GSK3A: variants seen among roughly 807,000 people sequenced by gnomAD.
The protein encoded by GSK3A is glycogen synthase kinase 3 alpha, also known as glycogen synthase kinase-3 alpha.
In GSK3A, 14 loss-of-function variants were observed where a neutral mutation model predicts 56.6. The observed-to-expected ratio is 0.25, with a 90% CI of 0.16 to 0.39. The LOEUF is 0.39. GSK3A is among the 10% of genes least tolerant of loss of function. The pLI is 1.00. For missense variants in GSK3A, 450 were observed against 656.0 expected (o/e 0.69, Z 3.43); for synonymous variants, 301 against 285.0 (o/e 1.06, Z -0.56).
chr19:42,230,976 A>G (rs2036220240), intron 10 of GSK3A, 109 bp from the exon 11 acceptor site: 2 of 778,808 alleles, frequency 2.6e-6, no homozygotes, highest in African/African-American at 3.4e-5. Flanking sequence ...TAAAAGTTAC[A>G]AGCTGTTACT....
intron 4 of GSK3A, among the ~76,000 whole-genome samples, 168 bp downstream of exon 4, chr19:42,236,438 T>C (rs1006438159): frequency 6.6e-6 from 1 of 151,468 alleles, no homozygotes; most frequent in Non-Finnish European, 1.5e-5. Context: ...GGCCCTCCCC[T>C]GTGTTAGGCG....
chr19:42,238,606 CAAAA>C (rs769150560), intron 2 of GSK3A, among the ~76,000 whole-genome samples: 3 of 33,152 alleles, frequency 9.0e-5, no homozygotes, highest in African/African-American at 5.0e-4. Flanking sequence ...GACTCCGTCT[CAAAA>C]AAAAAAAAAA....
At chr19:42,237,315 C>T (rs552971844) in intron 2 of GSK3A, among the ~76,000 whole-genome samples, 17 of 151,904 alleles carry the variant, frequency 1.1e-4, no homozygotes, top group African/African-American at 3.4e-4. Flanking sequence ...TGCACCACCA[C>T]GCCCAGCTAA....
At position 42,242,406 on chromosome 19, in the gene GSK3A, G is replaced by A. The variant is rs1346882924; in HGVS notation, c.60C>T (p.Ser20=). 2 of 1,375,526 alleles carry A rather than the reference G, an allele frequency of 1.5e-6. No homozygotes were observed. Among genetic ancestry groups the A allele is most frequent in the Non-Finnish European group, 1.9e-6 (2 of 1,064,838 alleles). The allele number at this position is 1,375,526 out of a possible 1,614,324, so 85.2% of individuals were successfully genotyped here. A position where few individuals can be genotyped will look rare whatever the true frequency, so the allele number is the denominator to read the frequency against. The change falls in exon 1 of 11, where the codon AGC becomes AGT. Residue 20 remains serine, a synonymous_variant. Transcript: ENST00000222330. ...CTCCGCCGCCGGGCTCCGCGAACGAGCTAGTCCGCGCCCTGCCCGAGCCCC... is the reference window on the plus strand; with the variant it reads ...CTCCGCCGCCGGGCTCCGCGAACGAACTAGTCCGCGCCCTGCCCGAGCCCC... The part of the protein sequence containing the change: ...GPGGSGRART[S]SFAEPGGGGG...
chr19:42,231,967 T>C, intron 10 of GSK3A, 90 bp downstream of exon 10: 1 of 676,672 alleles, frequency 1.5e-6, no homozygotes, highest in Non-Finnish European at 2.6e-6. Context: ...GATTTAAAAA[T>C]ACATTCAGGA....
chr19:42,232,398 C>A (rs1029414078), intron 9 of GSK3A, 98 bp downstream of exon 9: 104 of 1,139,710 alleles, frequency 9.1e-5, no homozygotes, highest in Non-Finnish European at 1.2e-4. Flanking sequence ...TGTACCCTGC[C>A]CTTAGCTCCC....
At position 42,242,499 on chromosome 19, in the gene GSK3A, G is replaced by A. The variant is rs1443892803; in HGVS notation, c.-34C>T. ...GCACAGGCCCAGGCTGCGGGGCTCG[G>A]GCTGCCCGGGCTGCCCCAGCCGCCG... On this transcript the variant is annotated 5_prime_UTR_variant, in exon 1 of 11. Coordinates refer to ENST00000222330, the MANE Select transcript of GSK3A (RefSeq NM_019884.3). The A allele has an allele frequency of 2.3e-5, 25 of 1,078,234 alleles. No homozygotes were observed. Among genetic ancestry groups the A allele is most frequent in the Admixed American group, 5.3e-5 (1 of 18,818 alleles). The allele number at this position is 1,078,234 out of a possible 1,614,324, so 66.8% of individuals were successfully genotyped here.
At chr19:42,231,797 GC>G (rs1191158258) in intron 10 of GSK3A, among the ~76,000 whole-genome samples, 3 of 152,010 alleles carry the variant, frequency 2.0e-5, no homozygotes, top group African/African-American at 7.2e-5. Context: ...ACAAACTTGG[GC>G]AACGAATTCA....
intron 10 of GSK3A, among the ~76,000 whole-genome samples, chr19:42,231,475 C>T (rs184575992): frequency 6.6e-6 from 1 of 152,238 alleles, no homozygotes; most frequent in East Asian, 1.9e-4. Flanking sequence ...CATAAAATAG[C>T]CCCATTTTTA....
Position 42,230,898 on chromosome 19 carries a change from G to A in GSK3A, c.1379-31C>T, listed in dbSNP as rs2036219664. ...GGGAGGCAGGGAAGGAGCAGAGTTA[G>A]CCTTTGCCTTTCAGACACCCCTTCG... On this transcript the variant is annotated intron_variant, in intron 10 of 10. Coordinates refer to ENST00000222330, the MANE Select transcript of GSK3A (RefSeq NM_019884.3). 2.0e-6 allele frequency: 3 copies of A among 1,482,834 alleles called. No homozygotes were observed. In the South Asian group the frequency reaches 3.6e-5, roughly 18 times the overall value. 91.9% of individuals were successfully genotyped at this position (1,482,834 alleles called of 1,614,324 possible).
chr19:42,240,965 C>T (rs1008877287), intron 1 of GSK3A: 1 of 152,138 alleles, frequency 6.6e-6, no homozygotes, highest in Non-Finnish European at 1.5e-5. Context: ...AGGATAGTGA[C>T]CCCTTTGAGT....
Position 42,240,250 on chromosome 19 carries a change from C to A in GSK3A, c.284-108G>T, listed in dbSNP as rs138057937. 5.6e-4 allele frequency: 539 copies of A among 965,778 alleles called. 4 individuals are homozygous for A. In the African/African-American group the frequency reaches 7.7e-3, roughly 14 times the overall value. The allele number at this position is 965,778 out of a possible 1,614,324, so 59.8% of individuals were successfully genotyped here. A position where few individuals can be genotyped will look rare whatever the true frequency, so the allele number is the denominator to read the frequency against. On this transcript the variant is annotated intron_variant, in intron 1 of 10. Coordinates refer to ENST00000222330, the MANE Select transcript of GSK3A (RefSeq NM_019884.3). The stretch of plus-strand genomic sequence containing the variant: ...ATCTCTGCAGGAAGCTCGTTGGGGA[C>A]CTCTTTGTCCCCTCCTCCTCTTTGA...
chr19:42,232,370 T>C (rs145710210), intron 9 of GSK3A, 126 bp downstream of exon 9: 9,572 of 861,480 alleles, frequency 0.011, 61 homozygotes, highest in Non-Finnish European at 0.014. Flanking sequence ...TCATCTTTCC[T>C]GAGCCCCAGG....
intron 2 of GSK3A, 36 bp from the exon 3 acceptor site, chr19:42,236,977 A>C (rs757164799): frequency 5.7e-6 from 8 of 1,412,342 alleles, no homozygotes; most frequent in Non-Finnish European, 7.0e-6. Context: ...AATACAACCA[A>C]CTCTCTCGGC....
Position 42,235,231 on chromosome 19 carries a change from C to T in GSK3A, c.667-553G>A, listed in dbSNP as rs148431039. On this transcript the variant is annotated intron_variant, in intron 4 of 10. Coordinates refer to ENST00000222330, the MANE Select transcript of GSK3A (RefSeq NM_019884.3). ...GCTCTCCAGCACTGATGCTGGTCCC[C>T]GGACCACACTCTGAGAACCACTGCT... Among the ~76,000 whole-genome samples the T allele has an allele frequency of 4.1e-3, 624 of 152,292 alleles. 2 individuals carry two copies. Among genetic ancestry groups the T allele is most frequent in the African/African-American group, 0.014 (598 of 41,548 alleles).
chr19:42,232,934 G>T (rs2036233638), intron 8 of GSK3A, 176 bp downstream of exon 8: 4 of 596,320 alleles, frequency 6.7e-6, no homozygotes, highest in Non-Finnish European at 5.8e-6. Context: ...ATTTACTTGT[G>T]GGTTCTCAAC....
chr19:42,238,606 C>T (rs1282120834), intron 2 of GSK3A, among the ~76,000 whole-genome samples: 1 of 33,152 alleles, frequency 3.0e-5, no homozygotes, highest in Non-Finnish European at 5.7e-5. Flanking sequence ...GACTCCGTCT[C>T]AAAAAAAAAA....
chr19:42,234,327 C>A lies in GSK3A; in HGVS notation c.904+26G>T. On this transcript the variant is annotated intron_variant, in intron 6 of 10. Coordinates refer to ENST00000222330, the MANE Select transcript of GSK3A (RefSeq NM_019884.3). This position sits in a 1 kb window ranked among gnomAD's most constrained non-coding sequence, Gnocchi z 5.7. ...CCAAAACTTCCCAGATTGCCACTCC[C>A]CCCGCCACCCTCCCATAACTCTGAC... 1 of 1,567,446 alleles carries A rather than the reference C, an allele frequency of 6.4e-7. No homozygotes were observed. The highest frequency in any genetic ancestry group is 8.8e-7 in the Non-Finnish European group (1 of 1,137,660).
At chr19:42,240,262 C>G (rs2036283500) in intron 1 of GSK3A, 120 bp from the exon 2 acceptor site, 2 of 868,970 alleles carry the variant, frequency 2.3e-6, no homozygotes, top group Admixed American at 3.8e-5. Context: ...TCTTTGTCCC[C>G]TCCTCCTCTT....
Sources: allele counts gnomAD v4.1 joint callset (sites outside exome capture counted in the v4.1 genomes callset), GRCh38; gene constraint gnomAD v4.1.1; non-coding constraint Gnocchi (gnomAD v3.1); transcripts MANE v1.5; gene names NCBI Gene and HGNC (gene_info 2026-07-23, HGNC 2026-07-21).